The following USP49 variants were observed in gnomAD, a reference collection of about 807,000 sequenced individuals.
USP49 encodes the protein ubiquitin carboxyl-terminal hydrolase 49.
In USP49, 24 loss-of-function variants were observed where a neutral mutation model predicts 58.6. The observed-to-expected ratio is 0.41, with a 90% confidence interval of 0.30 to 0.58. USP49 has a LOEUF of 0.58. Among genes scored for constraint, USP49 ranks in the 20% least tolerant of loss-of-function variants. USP49 has a pLI of 0.30. For missense variants in USP49, 703 were observed against 866.1 expected (o/e 0.81, Z 2.36); for synonymous variants, 408 against 365.1 (o/e 1.12, Z -1.34).
chr6:41,841,006 C>A (rs1274711622), intron 3 of USP49, among the ~76,000 whole-genome samples: 1 of 151,100 alleles, frequency 6.6e-6, no homozygotes, highest in African/African-American at 2.4e-5. Flanking sequence ...TCCTTGTAGA[C>A]CTTGTTTCAA....
At chr6:41,866,098 T>G (rs187246807) in intron 3 of USP49, among the ~76,000 whole-genome samples, 1 of 151,782 alleles carries the variant, frequency 6.6e-6, no homozygotes, top group African/African-American at 2.4e-5. Flanking sequence ...ATTTTTGTAT[T>G]TTTAGTAGAG....
chr6:41,834,635 G>C (rs1369647951), intron 3 of USP49, among the ~76,000 whole-genome samples: 1 of 152,138 alleles, frequency 6.6e-6, no homozygotes, highest in East Asian at 1.9e-4. Flanking sequence ...TTGTTTAAAA[G>C]TGTGTAGCAC....
chr6:41,808,647 T>A lies in USP49; in HGVS notation c.-28-1636A>T, dbSNP rs147827068. On this transcript the variant is annotated intron_variant, in intron 3 of 7. Transcript: ENST00000682992. Reference sequence around the variant, plus strand: ...GGATGGTCCCGATCTCTTGACCTCGTGATCCGCCCACCTCAGCCTCCCAAA... The same window carrying A: ...GGATGGTCCCGATCTCTTGACCTCGAGATCCGCCCACCTCAGCCTCCCAAA... Among the ~76,000 whole-genome samples the A allele has an allele frequency of 1.6e-4, 25 of 152,280 alleles. 1 individual carries two copies. In the East Asian group the frequency reaches 4.8e-3, roughly 29 times the overall value.
rs549193094 is a variant in USP49 at position 41,871,555 on chromosome 6, A to G, written c.-29+9T>C. On this transcript the variant is annotated intron_variant, in intron 3 of 7. Transcript: ENST00000682992. ...TTAATAATGTTTTATTACAGTTTTT[A>G]TTTCTTACCCATTAAACAAGTTTTT... 6.6e-6 allele frequency: 1 copy of G among 152,260 alleles called. No homozygotes were observed. Among genetic ancestry groups the G allele is most frequent in the Non-Finnish European group, 1.5e-5 (1 of 68,004 alleles). 9.4% of individuals were successfully genotyped at this position (152,260 alleles called of 1,614,324 possible). A position where few individuals can be genotyped will look rare whatever the true frequency, so the allele number is the denominator to read the frequency against.
At chr6:41,857,541 GAGGCTGAGGCAGGAGGATC>G (rs1407408624) in intron 3 of USP49, among the ~76,000 whole-genome samples, 1 of 152,182 alleles carries the variant, frequency 6.6e-6, no homozygotes, top group Non-Finnish European at 1.5e-5. Flanking sequence ...AGCTCCTTGG[GAGGCTGAGGCAGGAGGATC>G]ACTTAAGCCT....
Position 41,888,967 on chromosome 6 carries a change from A to G in USP49, c.-103+2827T>C, listed in dbSNP as rs1206022628. Among the ~76,000 whole-genome samples, 3 of 152,132 alleles carry G rather than the reference A, an allele frequency of 2.0e-5. No homozygotes were observed. The East Asian group carries it at 5.8e-4, about 29-fold the overall frequency. On this transcript the variant is annotated intron_variant, in intron 2 of 7. Coordinates refer to ENST00000682992, the MANE Select transcript of USP49 (RefSeq NM_001286554.2). ...TTATTTGGGGGGAAGGTAATATAAT[A>G]TTAAGATATTTCCATTCGTCCCCCT...
chr6:41,829,361 C>A (rs1290850956), intron 3 of USP49, among the ~76,000 whole-genome samples: 1 of 151,446 alleles, frequency 6.6e-6, no homozygotes, highest in Non-Finnish European at 1.5e-5. Context: ...GTTGCCCAGG[C>A]TGGAGTGCAA....
intron 3 of USP49, among the ~76,000 whole-genome samples, chr6:41,840,107 G>A (rs1251463456): frequency 1.3e-5 from 2 of 152,010 alleles, no homozygotes; most frequent in African/African-American, 2.4e-5. Context: ...GGGCACGGTG[G>A]CTCATGCCTG....
chr6:41,802,456 A>ATTTTTTTTT (rs1186521851), intron 5 of USP49, among the ~76,000 whole-genome samples: 8 of 70,274 alleles, frequency 1.1e-4, no homozygotes, highest in African/African-American at 1.8e-4. Context: ...TTATTTATTT[A>ATTTTTTTTT]TTTATTTATT....
At position 41,798,844 on chromosome 6, in the gene USP49, C is replaced by G. The variant is rs1436475062; in HGVS notation, c.1756G>C (p.Asp586His). 6.2e-7 allele frequency: 1 copy of G among 1,613,788 alleles called. No homozygotes were observed. Among genetic ancestry groups the G allele is most frequent in the Non-Finnish European group, 8.5e-7 (1 of 1,179,974 alleles). Reference protein sequence around the residue: ...VLTMEPYCCRDMLSSLDKETF... With the variant: ...VLTMEPYCCRHMLSSLDKETF... ...TCTTTGTCAAGAGAGGAGAGCATGT[C>G]CCTGCAGCAGTAAGGTTCCATGGTT... Residue 586 changes from aspartate (D) to histidine (H), a missense_variant, in exon 7 of 8, where the codon GAC (aspartate) becomes CAC (histidine). Transcript: ENST00000682992.
At chr6:41,877,784 C>T (rs1483648539) in intron 2 of USP49, among the ~76,000 whole-genome samples, 1 of 152,104 alleles carries the variant, frequency 6.6e-6, no homozygotes, top group Non-Finnish European at 1.5e-5. Context: ...TGGTCTTGAA[C>T]TCCTGGCCTC....
chr6:41,873,302 A>C (rs1404490764), intron 2 of USP49, among the ~76,000 whole-genome samples: 1 of 152,194 alleles, frequency 6.6e-6, no homozygotes, highest in Non-Finnish European at 1.5e-5. Context: ...GGTACACAAA[A>C]TCTGCAAATG....
At chr6:41,799,806 C>G (rs767534214) in intron 6 of USP49, 24 bp downstream of exon 6, 2 of 1,605,962 alleles carry the variant, frequency 1.2e-6, no homozygotes, top group East Asian at 4.5e-5. Context: ...TCTCACCCAG[C>G]TGGGACTCCC....
At chr6:41,884,905 C>A (rs1191368062) in intron 2 of USP49, among the ~76,000 whole-genome samples, 1 of 152,030 alleles carries the variant, frequency 6.6e-6, no homozygotes, top group Non-Finnish European at 1.5e-5. Flanking sequence ...TGGAAATGTA[C>A]CTTGAAGTTC....
chr6:41,856,482 T>G lies in USP49; in HGVS notation c.-29+15082A>C, dbSNP rs143742432. On this transcript the variant is annotated intron_variant, in intron 3 of 7. Coordinates refer to ENST00000682992, the MANE Select transcript of USP49 (RefSeq NM_001286554.2). ...GCTTTGCATTCCCAAATAGCTGCTG[T>G]GTTGTAAGTTGAACAAAGATATGCA... is the stretch of plus-strand genomic sequence containing the variant. 1.1e-3 allele frequency among the ~76,000 whole-genome samples: 174 copies of G among 152,290 alleles called. No individual in the cohort carries two copies. The Middle Eastern group carries it at 0.024, about 21-fold the overall frequency.
At chr6:41,880,996 G>T (rs953575718) in intron 2 of USP49, among the ~76,000 whole-genome samples, 1 of 151,864 alleles carries the variant, frequency 6.6e-6, no homozygotes, top group Non-Finnish European at 1.5e-5. Flanking sequence ...GCAGTGGTAT[G>T]GTCTTGGCTC....
chr6:41,824,577 A>C (rs1410247354), intron 3 of USP49, among the ~76,000 whole-genome samples: 1 of 152,098 alleles, frequency 6.6e-6, no homozygotes, highest in Non-Finnish European at 1.5e-5. Flanking sequence ...GTGGTGGTAC[A>C]TGCCTGTAAT....
chr6:41,807,059 T>G lies in USP49; in HGVS notation c.-28-48A>C, dbSNP rs958876446. On this transcript the variant is annotated intron_variant, in intron 3 of 7. Coordinates refer to ENST00000682992, the MANE Select transcript of USP49 (RefSeq NM_001286554.2). ...AAAGAAAAAGAAAAAGAAAACACTT[T>G]TAGAAAAATATTTTCCTTAAAAAAA... is the stretch of plus-strand genomic sequence containing the variant. 1.4e-5 allele frequency: 18 copies of G among 1,301,180 alleles called. No individual in the cohort carries two copies. In the African/African-American group the frequency reaches 2.7e-4, roughly 19 times the overall value. 80.6% of individuals were successfully genotyped at this position (1,301,180 alleles called of 1,614,324 possible).
Position 41,794,300 on chromosome 6 carries a change from C to G in USP49, c.*2233G>C, listed in dbSNP as rs1772849579. ...GCACTTATTTCACAAAGTCCTTAAT[C>G]TGCTTAATAAATCCTTATAATATTT... On this transcript the variant is annotated 3_prime_UTR_variant, in exon 8 of 8. Transcript: ENST00000682992. 1 of 152,172 alleles carries G rather than the reference C, an allele frequency of 6.6e-6. No homozygotes were observed. The highest frequency in any genetic ancestry group is 1.5e-5 in the Non-Finnish European group (1 of 68,026). The allele number at this position is 152,172 out of a possible 1,614,324, so 9.4% of individuals were successfully genotyped here.
Sources: gnomAD v4.1 joint callset for allele counts (sites outside exome capture counted in the v4.1 genomes callset) on GRCh38, gnomAD v4.1.1 for gene constraint, MANE v1.5 for transcripts, NCBI Gene and HGNC (gene_info 2026-07-23, HGNC 2026-07-21) for gene names.